The following VWF variants were observed in gnomAD, a reference collection of about 807,000 sequenced individuals.
VWF encodes Factor VIII related antigen.
VWF carries 176 observed loss-of-function variants against 308.6 expected under a neutral mutation model. The observed-to-expected ratio is 0.57, with a 90% CI of 0.50 to 0.65. The LOEUF (loss-of-function observed/expected upper bound fraction) is 0.65, where lower values mean the gene tolerates loss of function less well. Ranked by LOEUF, VWF falls within the 30% of genes least tolerant of loss-of-function variation. The pLI, the probability that VWF is intolerant of heterozygous loss-of-function variation, is 0.00. For synonymous variants in VWF, 1,385 were observed against 1,443.4 expected (o/e 0.96, Z 0.92); for missense variants, 3,146 against 3,648.2 (o/e 0.86, Z 3.55).
chr12:6,044,340 T>G lies in VWF; in HGVS notation c.2393A>C (p.Glu798Ala). ...AGAGACACAGCCCATGCTCATGCAC[T>G]CCAGGTCATAGTTCTGGCACGTTTT... ...CTKTCQNYDL[E>A]CMSMGCVSGC... is the part of the protein sequence containing the mutation. Residue 798 changes from glutamate (E) to alanine (A), a missense_variant, in exon 18 of 52, where the codon GAG becomes GCG. Glu to Ala is a moderately radical substitution (Grantham distance 107). This residue lies in a region of VWF where 1,304 missense variants were observed against 1,353.0 expected (regional missense o/e 0.96). Transcript: ENST00000261405. 6.2e-7 allele frequency: 1 copy of G among 1,614,186 alleles called. No homozygotes were observed. Among genetic ancestry groups the G allele is most frequent in the Non-Finnish European group, 8.5e-7 (1 of 1,180,038 alleles).
chr12:6,037,574 C>G (rs185722078), intron 18 of VWF, among the ~76,000 whole-genome samples: 2 of 152,318 alleles, frequency 1.3e-5, no homozygotes, highest in East Asian at 3.9e-4. Context: ...CAGCCAAACC[C>G]ACTCTGAGCT....
In VWF at chr12:6,064,213, G is replaced by A. The variant is rs2136461837; in HGVS notation, c.1432+33C>T. 4 of 1,613,970 alleles carry A rather than the reference G, an allele frequency of 2.5e-6. No homozygotes were observed. In the East Asian group the frequency reaches 6.7e-5, roughly 27 times the overall value. ...GGGTGCTAAGGGATGGGCTGTGCCAGCCCCAGGCCTGATGGAGCAGGACGA... is the reference window on the plus strand; with the variant it reads ...GGGTGCTAAGGGATGGGCTGTGCCAACCCCAGGCCTGATGGAGCAGGACGA... On this transcript the variant is annotated intron_variant, in intron 12 of 51. Transcript: ENST00000261405.
rs143762054 is a variant in VWF at position 6,034,747 on chromosome 12, G to C, written c.2626C>G (p.Leu876Val). Reference protein sequence around the residue: ...TCSTIGMAHYLTFDGLKYLFP... With the variant: ...TCSTIGMAHYVTFDGLKYLFP... ...AGGTATTTGAGCCCGTCGAAGGTGA[G>C]GTAGTGGGCCATGCCGATCGTGGAG... Residue 876 changes from leucine to valine, a missense_variant, in exon 20 of 52, where the codon CTC becomes GTC. By Grantham distance (32) the Leu-to-Val change is conservative. Coordinates refer to ENST00000261405, the MANE Select transcript of VWF (RefSeq NM_000552.5). 3 of 1,614,240 alleles carry C rather than the reference G, an allele frequency of 1.9e-6. No individual in the cohort carries two copies. The East Asian group carries it at 6.7e-5, about 36-fold the overall frequency.
intron 5 of VWF, 86 bp downstream of exon 5, chr12:6,110,288 G>A (rs1481395058): frequency 1.4e-6 from 2 of 1,407,062 alleles, no homozygotes; most frequent in Non-Finnish European, 2.0e-6. Context: ...TTGAATGCCA[G>A]GGAAGGCATG....
Position 6,056,912 on chromosome 12 carries a change from G to T in VWF, c.1890C>A (p.Ala630=), listed in dbSNP as rs1163904272. ...ECLCGALASY[A]AACAGRGVRV... is the part of the protein sequence containing the mutation. ...GCACGCCTCTCCCCGCGCAGGCCGC[G>T]GCATAGCTGGCCAGGGCGCCGCACA... Residue 630 remains alanine (A), a synonymous_variant, in exon 15 of 52, where the codon GCC becomes GCA. Transcript: ENST00000261405. The T allele has an allele frequency of 5.9e-6, 9 of 1,529,204 alleles. No homozygotes were observed. The highest frequency in any genetic ancestry group is 1.4e-5 in the African/African-American group (1 of 72,022). 94.7% of individuals were successfully genotyped at this position (1,529,204 alleles called of 1,614,324 possible).
chr12:6,099,721 C>CACCTTAT (rs1326203379), intron 5 of VWF, among the ~76,000 whole-genome samples: 2 of 151,904 alleles, frequency 1.3e-5, no homozygotes, highest in Non-Finnish European at 2.9e-5. Flanking sequence ...CCCTTCCTTA[C>CACCTTAT]ACCTTATACA....
intron 47 of VWF, among the ~76,000 whole-genome samples, chr12:5,956,837 GTTAAT>G (rs1174127660): frequency 6.6e-6 from 1 of 152,130 alleles, no homozygotes; most frequent in Non-Finnish European, 1.5e-5. Flanking sequence ...GTGAGCTAAA[GTTAAT>G]TTATTATTGA....
At chr12:6,009,983 A>G (rs1417058177) in intron 34 of VWF, among the ~76,000 whole-genome samples, 1 of 152,200 alleles carries the variant, frequency 6.6e-6, no homozygotes, top group Non-Finnish European at 1.5e-5. Context: ...GGGAAGGGGA[A>G]AATGGGAAGT....
chr12:5,962,242 C>A (rs1208973134), intron 47 of VWF, among the ~76,000 whole-genome samples: 1 of 152,164 alleles, frequency 6.6e-6, no homozygotes, highest in Non-Finnish European at 1.5e-5. Flanking sequence ...AAAAACTCAA[C>A]CTTGTCTAGA....
At chr12:6,043,348 C>T (rs545496001) in intron 18 of VWF, among the ~76,000 whole-genome samples, 5 of 152,240 alleles carry the variant, frequency 3.3e-5, no homozygotes, top group Admixed American at 6.5e-5. Context: ...TCCCACAGTC[C>T]AGGACACTTC....
At chr12:5,951,976 C>CG (rs757077686) in intron 49 of VWF, 93 bp from the exon 50 acceptor site, 77 of 1,259,784 alleles carry the variant, frequency 6.1e-5, no homozygotes, top group Non-Finnish European at 8.6e-5. Flanking sequence ...TCCGAACTCA[C>CG]AGCCCTGTGC....
intron 3 of VWF, among the ~76,000 whole-genome samples, chr12:6,118,630 G>A (rs555671368): frequency 3.3e-5 from 5 of 151,786 alleles, no homozygotes; most frequent in Middle Eastern, 3.4e-3. Context: ...CAGGTGATCC[G>A]CCCCCCTCGG....
At chr12:5,968,258 G>A (rs984660254) in intron 45 of VWF, 91 bp from the exon 46 acceptor site, 100 of 1,506,648 alleles carry the variant, frequency 6.6e-5, no homozygotes, top group African/African-American at 1.9e-4. Context: ...CTCCTCCTCC[G>A]TGTCTGGGCC....
Position 6,019,835 on chromosome 12 carries a change from C to T in VWF, c.3675-92G>A. ...GTGTACAATGACTTCCATATTCCCA[C>T]AGAATCTCCTCTGTTCCACCTGAAC... On this transcript the variant is annotated intron_variant, in intron 27 of 51. Transcript: ENST00000261405. This position sits in a 1 kb window ranked among gnomAD's most constrained non-coding sequence, Gnocchi z 5.8. The T allele has an allele frequency of 7.3e-7, 1 of 1,378,998 alleles. No homozygotes were observed. Among genetic ancestry groups the T allele is most frequent in the Non-Finnish European group, 1.0e-6 (1 of 1,003,452 alleles). The allele number at this position is 1,378,998 out of a possible 1,614,324, so 85.4% of individuals were successfully genotyped here. A position where few individuals can be genotyped will look rare whatever the true frequency, so the allele number is the denominator to read the frequency against.
intron 6 of VWF, among the ~76,000 whole-genome samples, chr12:6,078,286 A>G (rs766738004): frequency 4.6e-5 from 7 of 152,208 alleles, no homozygotes; most frequent in Non-Finnish European, 8.8e-5. Flanking sequence ...TCATTTGGGA[A>G]GTTCACACTT....
chr12:6,007,198 G>T (rs1311473626), intron 34 of VWF, among the ~76,000 whole-genome samples: 2 of 152,128 alleles, frequency 1.3e-5, no homozygotes, highest in African/African-American at 4.8e-5. Context: ...AGGAAACAGA[G>T]AACTCAAACA....
At position 6,122,700 on chromosome 12, in the gene VWF, TG is replaced by T. The variant is rs1565397602; in HGVS notation, c.55+441del. The T allele has an allele frequency of 5.8e-6, 3 of 515,534 alleles. No individual in the cohort carries two copies. In the Admixed American group the frequency reaches 5.9e-5, roughly 10 times the overall value. 31.9% of individuals were successfully genotyped at this position (515,534 alleles called of 1,614,324 possible). A position where few individuals can be genotyped will look rare whatever the true frequency, so the allele number is the denominator to read the frequency against. Reference sequence around the variant, plus strand: ...TGATGCAGTGCAGTGGAAAGGGTGTTGGCCTGGAACCCAGGAAGACTGACCT... The same window carrying T: ...TGATGCAGTGCAGTGGAAAGGGTGTTGCCTGGAACCCAGGAAGACTGACCT... On this transcript the variant is annotated intron_variant, in intron 2 of 51. Transcript: ENST00000261405.
chr12:6,046,017 G>A lies in VWF; in HGVS notation c.2281+706C>T, dbSNP rs1041455777. 1.4e-4 allele frequency among the ~76,000 whole-genome samples: 22 copies of A among 152,092 alleles called. No homozygotes were observed. Among genetic ancestry groups the A allele is most frequent in the Admixed American group, 9.8e-4 (15 of 15,250 alleles). On this transcript the variant is annotated intron_variant, in intron 17 of 51. Transcript: ENST00000261405. This position sits in a 1 kb window ranked among gnomAD's most constrained non-coding sequence, Gnocchi z 5.0. ...GCAGGCAGATCACTTGAGGTCAGGAGTTCAAGACCAGCCTGGCCAACATGG... is the reference window on the plus strand; with the variant it reads ...GCAGGCAGATCACTTGAGGTCAGGAATTCAAGACCAGCCTGGCCAACATGG...
At chr12:5,960,324 G>C (rs1591831545) in intron 47 of VWF, among the ~76,000 whole-genome samples, 2 of 151,862 alleles carry the variant, frequency 1.3e-5, no homozygotes, top group East Asian at 3.8e-4. Flanking sequence ...AGAAGAAATA[G>C]AAAATCCGTT....
Sources: gnomAD v4.1 joint callset for allele counts (sites outside exome capture counted in the v4.1 genomes callset) on GRCh38, gnomAD v4.1.1 for gene constraint, gnomAD v4.1.1 regional missense constraint, Gnocchi (gnomAD v3.1) non-coding constraint, MANE v1.5 for transcripts, NCBI Gene and HGNC (gene_info 2026-07-23, HGNC 2026-07-21) for gene names.